Variants in TMTC2 observed in about 807,000 individuals in gnomAD.
TMTC2 encodes the protein protein O-mannosyl-transferase TMTC2.
TMTC2 carries 43 observed loss-of-function variants against 82.4 expected under a neutral mutation model. That is an observed-to-expected ratio of 0.52 (90% CI 0.41 to 0.67). The LOEUF (loss-of-function observed/expected upper bound fraction) is 0.67, where lower values mean the gene tolerates loss of function less well. Among genes scored for constraint, TMTC2 ranks in the 30% least tolerant of loss-of-function variants. The probability of loss-of-function intolerance (pLI) is 0.00; values close to 1 mark genes in which losing one functional copy is unlikely to be tolerated. For missense variants in TMTC2, 919 were observed against 1,012.4 expected (o/e 0.91, Z 1.25); for synonymous variants, 408 against 381.9 (o/e 1.07, Z -0.80).
chr12:82,761,829 C>G (rs1347245606), intron 1 of TMTC2, among the ~76,000 whole-genome samples: 1 of 152,106 alleles, frequency 6.6e-6, no homozygotes, highest in African/African-American at 2.4e-5. Flanking sequence ...AGCCGCTTAG[C>G]TATTGCTACT....
At chr12:82,883,992 G>A (rs1872966296) in intron 2 of TMTC2, among the ~76,000 whole-genome samples, 1 of 152,136 alleles carries the variant, frequency 6.6e-6, no homozygotes, top group Admixed American at 6.5e-5. Context: ...ATAGCGCACT[G>A]CCTGGTGGGA....
At chr12:83,088,554 C>G (rs11115574) in intron 11 of TMTC2, among the ~76,000 whole-genome samples, 37 of 152,176 alleles carry the variant, frequency 2.4e-4, no homozygotes, top group African/African-American at 8.7e-4. Context: ...TATTAATTGG[C>G]CTAATTTCAA....
At position 82,778,848 on chromosome 12, in the gene TMTC2, CAAAAAAAAAAA is replaced by C. The variant is rs56354957; in HGVS notation, c.84-78142_84-78132del. ...TAGGCGACAGAGCGAGACTCCGTCT[CAAAAAAAAAAA>C]AAAAAAAAAAAAAAAAAAATGCAAA... is the stretch of plus-strand genomic sequence containing the variant. On this transcript the variant is annotated intron_variant, in intron 1 of 11. Transcript: ENST00000321196. Among the ~76,000 whole-genome samples the C allele has an allele frequency of 6.3e-3, 148 of 23,458 alleles. 3 individuals are homozygous for C. Among genetic ancestry groups the C allele is most frequent in the African/African-American group, 0.027 (135 of 4,978 alleles). The allele number at this position is 23,458 out of a possible 152,430, so 15.4% of individuals were successfully genotyped here.
chr12:82,869,475 A>C (rs1872053446), intron 2 of TMTC2, among the ~76,000 whole-genome samples: 1 of 152,130 alleles, frequency 6.6e-6, no homozygotes, highest in Non-Finnish European at 1.5e-5. Flanking sequence ...ATTTCACAAA[A>C]ACACCAATAT....
At chr12:82,710,849 G>C (rs1027861676) in intron 1 of TMTC2, among the ~76,000 whole-genome samples, 5 of 152,180 alleles carry the variant, frequency 3.3e-5, no homozygotes, top group Non-Finnish European at 7.3e-5. Context: ...GCTGTTAAGA[G>C]CATGGAATGG....
chr12:83,017,613 C>T lies in TMTC2; in HGVS notation c.2071-13185C>T, dbSNP rs148834518. ...CACTGCTTTCCCCAGTCTTAGTGTC[C>T]GCTGAGTGGGCCTGGGAAGAAGAGC... On this transcript the variant is annotated intron_variant, in intron 8 of 11. Transcript: ENST00000321196. Among the ~76,000 whole-genome samples the T allele has an allele frequency of 5.8e-3, 879 of 152,152 alleles. 7 individuals are homozygous for T. Among genetic ancestry groups the T allele is most frequent in the African/African-American group, 0.02 (827 of 41,494 alleles).
chr12:82,927,878 CAA>C (rs1451623222), intron 3 of TMTC2, among the ~76,000 whole-genome samples: 2 of 152,104 alleles, frequency 1.3e-5, no homozygotes, highest in African/African-American at 4.8e-5. Flanking sequence ...CATGCTATTG[CAA>C]ACTTATTAGA....
intron 1 of TMTC2, among the ~76,000 whole-genome samples, chr12:82,691,571 T>C (rs1038004685): frequency 2.6e-5 from 4 of 152,180 alleles, no homozygotes; most frequent in African/African-American, 7.2e-5. Context: ...TCTAAAGATA[T>C]TGAACTATTA....
At chr12:83,030,692 C>A (rs1318695479) in intron 8 of TMTC2, 106 bp from the exon 9 acceptor site, 1 of 868,670 alleles carries the variant, frequency 1.2e-6, no homozygotes, top group Non-Finnish European at 1.8e-6. Flanking sequence ...TTTTTCCTTT[C>A]CTATGATGAT....
At chr12:82,905,840 G>A (rs1874266045) in intron 3 of TMTC2, among the ~76,000 whole-genome samples, 1 of 151,932 alleles carries the variant, frequency 6.6e-6, no homozygotes, top group Non-Finnish European at 1.5e-5. Flanking sequence ...AGCTACTCGG[G>A]AGGCTGAGGC....
intron 3 of TMTC2, among the ~76,000 whole-genome samples, chr12:82,906,264 T>G (rs2137200190): frequency 6.6e-6 from 1 of 152,298 alleles, no homozygotes; most frequent in East Asian, 1.9e-4. Flanking sequence ...AGCTTTGAAA[T>G]GGTGTAACAA....
At chr12:82,912,108 A>G (rs1024099694) in intron 3 of TMTC2, among the ~76,000 whole-genome samples, 10 of 152,240 alleles carry the variant, frequency 6.6e-5, no homozygotes, top group African/African-American at 2.4e-4. Context: ...CAAAACACAT[A>G]AGATATTAAA....
chr12:82,916,650 GATTATACAT>G (rs1184346707), intron 3 of TMTC2, among the ~76,000 whole-genome samples: 1 of 152,100 alleles, frequency 6.6e-6, no homozygotes, highest in Non-Finnish European at 1.5e-5. Flanking sequence ...ATGGGTGCTG[GATTATACAT>G]GTGGATATTA....
At chr12:82,979,912 A>G (rs993372157) in intron 7 of TMTC2, among the ~76,000 whole-genome samples, 7 of 151,718 alleles carry the variant, frequency 4.6e-5, no homozygotes, top group African/African-American at 1.4e-4. Flanking sequence ...AGCACTTTGA[A>G]TATGTCATGC....
chr12:82,815,294 TTAATTAA>T (rs1868632933), intron 1 of TMTC2, among the ~76,000 whole-genome samples: 1 of 150,078 alleles, frequency 6.7e-6, no homozygotes, highest in African/African-American at 2.5e-5. Context: ...TTTATTTTTT[TTAATTAA>T]TTAATTAATT....
rs1878125437 is a variant in TMTC2 at position 82,965,035 on chromosome 12, T to A, written c.1610T>A (p.Leu537His). 1.2e-6 allele frequency: 2 copies of A among 1,612,246 alleles called. No homozygotes were observed. The highest frequency in any genetic ancestry group is 4.5e-5 in the East Asian group (2 of 44,804). ...TTTTCCTCATGCAGAGGGCTACTTCTCCAGGAGAACAGCAGGTTTGCAGAA... is the reference window on the plus strand; with the variant it reads ...TTTTCCTCATGCAGAGGGCTACTTCACCAGGAGAACAGCAGGTTTGCAGAA... ...ADMLYNLGLL[L>H]QENSRFAEAL... is the part of the protein sequence containing the mutation. Residue 537 changes from leucine (L) to histidine (H), a missense_variant, in exon 5 of 12, where the codon CTC becomes CAC. Coordinates refer to ENST00000321196, the MANE Select transcript of TMTC2 (RefSeq NM_152588.3).
intron 11 of TMTC2, among the ~76,000 whole-genome samples, chr12:83,101,275 T>C (rs1565888281): frequency 1.3e-5 from 2 of 152,186 alleles, no homozygotes; most frequent in Non-Finnish European, 2.9e-5. Context: ...AAGCTATAAA[T>C]TTTGTGTTTC....
At chr12:82,930,810 A>G (rs1237615073) in intron 4 of TMTC2, among the ~76,000 whole-genome samples, 1 of 152,138 alleles carries the variant, frequency 6.6e-6, no homozygotes, top group Non-Finnish European at 1.5e-5. Flanking sequence ...TGGTTTAAAT[A>G]TTTTTTAGTT....
intron 1 of TMTC2, among the ~76,000 whole-genome samples, chr12:82,719,059 T>TTATATATATATATATATA (rs1271920285): frequency 4.2e-5 from 4 of 94,440 alleles, no homozygotes; most frequent in African/African-American, 4.6e-5. Context: ...TTAGATGATT[T>TTATATATATATATATATA]TATATATATA....
Sources: gnomAD v4.1 joint callset for allele counts (sites outside exome capture counted in the v4.1 genomes callset) on GRCh38, gnomAD v4.1.1 for gene constraint, MANE v1.5 for transcripts, NCBI Gene and HGNC (gene_info 2026-07-23, HGNC 2026-07-21) for gene names.